Variants in EAPP observed in about 807,000 individuals in gnomAD.
EAPP encodes E2F-associated phosphoprotein.
In EAPP, 38 loss-of-function variants were observed where a neutral mutation model predicts 34.3. The ratio of observed to expected loss-of-function variants is 1.11; its 90% CI spans 0.85 to 1.45. The LOEUF (loss-of-function observed/expected upper bound fraction) is 1.45, where lower values mean the gene tolerates loss of function less well. EAPP is among the 40% of genes most tolerant of loss of function. The pLI is 0.00. For synonymous variants in EAPP, 113 were observed against 117.6 expected, an observed-to-expected ratio of 0.96 and a Z score of 0.25; for missense variants, 338 against 343.7, an observed-to-expected ratio of 0.98 and a Z score of 0.13.
chr14:34,526,415 G>A (rs985654943), intron 4 of EAPP, among the ~76,000 whole-genome samples: 2 of 150,912 alleles, frequency 1.3e-5, no homozygotes, highest in Admixed American at 6.6e-5. Flanking sequence ...GCAACAGAGC[G>A]AGACTCTGTC....
At chr14:34,539,277 G>T in intron 1 of EAPP, 1 of 635,714 alleles carries the variant, frequency 1.6e-6, no homozygotes, top group Non-Finnish European at 2.9e-6. Flanking sequence ...CTGCTACTAA[G>T]GTGTAGAGAC....
chr14:34,524,889 C>T, intron 4 of EAPP, 82 bp from the exon 5 acceptor site: 3 of 1,095,350 alleles, frequency 2.7e-6, no homozygotes, highest in African/African-American at 1.6e-5. Flanking sequence ...ATAAAAAGAA[C>T]CAGTACTATT....
chr14:34,529,700 C>T (rs1452110202), intron 3 of EAPP, among the ~76,000 whole-genome samples: 3 of 151,060 alleles, frequency 2.0e-5, no homozygotes, highest in African/African-American at 2.4e-5. Context: ...GACAACATGG[C>T]GAAACCCCGT....
In EAPP at chr14:34,518,030, C is replaced by G. The variant is rs186473541; in HGVS notation, c.582-1444G>C. On this transcript the variant is annotated intron_variant, in intron 5 of 5. Transcript: ENST00000250454. ...CCTCGTGATCTGCCTGCTTTAGCCT[C>G]CCAAAGTGCTGGGATTACAGGTGTG... Among the ~76,000 whole-genome samples the G allele has an allele frequency of 2.0e-3, 303 of 152,144 alleles. 1 individual carries two copies. The highest frequency in any genetic ancestry group is 7.0e-3 in the African/African-American group (289 of 41,514).
intron 5 of EAPP, among the ~76,000 whole-genome samples, chr14:34,523,240 T>TC (rs1879976134): frequency 1.9e-5 from 1 of 53,136 alleles, no homozygotes; most frequent in Non-Finnish European, 4.6e-5. Flanking sequence ...AAAAGATACC[T>TC]TTTTTTTTTT....
intron 3 of EAPP, among the ~76,000 whole-genome samples, chr14:34,531,945 G>A (rs904418262): frequency 1.7e-4 from 26 of 151,258 alleles, no homozygotes; most frequent in Admixed American, 7.3e-4. Flanking sequence ...GTGTGGTGGC[G>A]GGCGCCTGTA....
chr14:34,536,458 A>ATTTTT (rs5807779), intron 1 of EAPP, 183 bp from the exon 2 acceptor site: 149 of 129,510 alleles, frequency 1.2e-3, no homozygotes, highest in Middle Eastern at 3.1e-3. Flanking sequence ...ATCTTCTTTA[A>ATTTTT]TTTTTTTTTT....
chr14:34,529,242 T>A, intron 4 of EAPP, 116 bp downstream of exon 4: 1 of 745,432 alleles, frequency 1.3e-6, no homozygotes, highest in Non-Finnish European at 2.1e-6. Context: ...AACTTTTTTG[T>A]TTGTGTGTGT....
At chr14:34,533,667 A>G in intron 2 of EAPP, 128 bp from the exon 3 acceptor site, 1 of 597,050 alleles carries the variant, frequency 1.7e-6, no homozygotes, top group East Asian at 3.1e-5. Context: ...ATGGTGAAAT[A>G]TTTTCACATC....
chr14:34,533,510 T>C lies in EAPP; in HGVS notation c.286A>G (p.Thr96Ala). The change falls in exon 3 of 6, where the codon ACA (threonine) becomes GCA (alanine). Residue 96 changes from threonine (T) to alanine (A), a missense_variant. Physicochemically the swap from Thr to Ala is moderately conservative, Grantham distance 58. Transcript: ENST00000250454. ...TCATCGTAGTACCTTGTCGGAGCTG[T>C]TGCAACTTTTCCATTTCCTGAGGAA... ...GSSSGNGKVA[T>A]APTRYYDDIY... The C allele has an allele frequency of 1.3e-6, 2 of 1,594,984 alleles. No homozygotes were observed. Among genetic ancestry groups the C allele is most frequent in the South Asian group, 1.1e-5 (1 of 87,500 alleles).
chr14:34,539,084 C>T (rs1880569731), intron 1 of EAPP, among the ~76,000 whole-genome samples: 1 of 152,160 alleles, frequency 6.6e-6, no homozygotes, highest in Non-Finnish European at 1.5e-5. Flanking sequence ...AAAGGCTGTT[C>T]AATATTCCCT....
intron 5 of EAPP, among the ~76,000 whole-genome samples, chr14:34,516,931 T>G (rs1879751548): frequency 7.6e-6 from 1 of 130,992 alleles, no homozygotes; most frequent in Non-Finnish European, 1.6e-5. Flanking sequence ...TTCTGCTTTT[T>G]GAAAGTAACT....
chr14:34,520,303 T>C (rs1300310079), intron 5 of EAPP, among the ~76,000 whole-genome samples: 1 of 151,324 alleles, frequency 6.6e-6, no homozygotes, highest in Non-Finnish European at 1.5e-5. Flanking sequence ...TCCACCTCCT[T>C]GGTTCAAGCA....
rs567354853 is a variant in EAPP at position 34,522,103 on chromosome 14, C to A, written c.581+2594G>T. ...CCTCCAAAGTAGCTGGGTCTATAAG[C>A]GTATGCCAAGACACCAACTAAGTTT... On this transcript the variant is annotated intron_variant, in intron 5 of 5. Coordinates refer to ENST00000250454, the MANE Select transcript of EAPP (RefSeq NM_018453.4). Among the ~76,000 whole-genome samples the A allele has an allele frequency of 3.9e-5, 6 of 152,040 alleles. No homozygotes were observed. The East Asian group carries it at 9.6e-4, about 24-fold the overall frequency.
intron 4 of EAPP, among the ~76,000 whole-genome samples, chr14:34,527,663 A>G (rs1487727790): frequency 6.6e-6 from 1 of 152,204 alleles, no homozygotes; most frequent in Non-Finnish European, 1.5e-5. Context: ...TAAAATGTAG[A>G]TGAACTTCAA....
At chr14:34,535,037 C>T (rs1408813160) in intron 2 of EAPP, among the ~76,000 whole-genome samples, 2 of 150,890 alleles carry the variant, frequency 1.3e-5, no homozygotes, top group African/African-American at 2.4e-5. Context: ...TGGGGTTTCA[C>T]TGTATTGGCC....
chr14:34,519,639 G>A (rs1231273206), intron 5 of EAPP, among the ~76,000 whole-genome samples: 1 of 151,846 alleles, frequency 6.6e-6, no homozygotes, highest in Admixed American at 6.6e-5. Context: ...ATCCAGTCTC[G>A]GGTATTTCCT....
intron 4 of EAPP, among the ~76,000 whole-genome samples, 194 bp from the exon 5 acceptor site, chr14:34,525,001 A>G (rs1304533504): frequency 6.6e-6 from 1 of 152,130 alleles, no homozygotes; most frequent in Non-Finnish European, 1.5e-5. Flanking sequence ...AAAACAAAAC[A>G]GTGAGGTGGT....
intron 5 of EAPP, among the ~76,000 whole-genome samples, chr14:34,519,406 G>A (rs573611882): frequency 1.0e-3 from 158 of 152,154 alleles, no homozygotes; most frequent in Non-Finnish European, 1.9e-3. Flanking sequence ...GTGGTGGTGT[G>A]TGCCTGTAGT....
Sources: allele counts gnomAD v4.1 joint callset (sites outside exome capture counted in the v4.1 genomes callset), GRCh38; gene constraint gnomAD v4.1.1; transcripts MANE v1.5; gene names NCBI Gene and HGNC (gene_info 2026-07-23, HGNC 2026-07-21).